The following FHIT variants were observed in gnomAD, a reference collection of about 807,000 sequenced individuals.
The protein encoded by FHIT is fragile histidine triad diadenosine triphosphatase.
A neutral mutation model predicts 17.9 loss-of-function variants in FHIT; 19 were observed. The ratio of observed to expected loss-of-function variants is 1.06; its 90% CI spans 0.74 to 1.56. The LOEUF (loss-of-function observed/expected upper bound fraction) is 1.56, where lower values mean the gene tolerates loss of function less well. Among genes scored for constraint, FHIT ranks in the 40% most tolerant of loss-of-function variants. The pLI is 0.00. For missense variants in FHIT, 248 were observed against 189.2 expected (o/e 1.31, Z -1.82); for synonymous variants, 81 against 69.7 (o/e 1.16, Z -0.81).
chr3:60,123,253 G>A (rs1360480285), intron 5 of FHIT, among the ~76,000 whole-genome samples: 6 of 152,136 alleles, frequency 3.9e-5, no homozygotes, highest in African/African-American at 9.7e-5. Context: ...CAAATGAGAA[G>A]CACATGAGAT....
At chr3:60,546,823 G>A (rs1333604049) in intron 4 of FHIT, among the ~76,000 whole-genome samples, 2 of 152,084 alleles carry the variant, frequency 1.3e-5, no homozygotes, top group Non-Finnish European at 2.9e-5. Context: ...TACAAAGCAT[G>A]TCTCGTTGTC....
At chr3:60,608,234 C>T (rs2038671373) in intron 4 of FHIT, among the ~76,000 whole-genome samples, 1 of 152,176 alleles carries the variant, frequency 6.6e-6, no homozygotes, top group African/African-American at 2.4e-5. Flanking sequence ...TAGTGGCCAC[C>T]AGCTCTGAAG....
intron 8 of FHIT, among the ~76,000 whole-genome samples, chr3:59,767,332 C>G (rs112606283): frequency 8.3e-4 from 127 of 152,244 alleles, no homozygotes; most frequent in African/African-American, 2.8e-3. Flanking sequence ...CACCCTATCT[C>G]TACTAAAAAT....
At chr3:59,852,653 A>G (rs1701988050) in intron 8 of FHIT, among the ~76,000 whole-genome samples, 1 of 152,138 alleles carries the variant, frequency 6.6e-6, no homozygotes, top group East Asian at 1.9e-4. Flanking sequence ...CATTGTCCTA[A>G]AAGATCCTCT....
rs144077607 is a variant in FHIT, at chr3:59,948,834, AG to A, written c.280-26421del. Among the ~76,000 whole-genome samples, 739 of 151,844 alleles carry A rather than the reference AG, an allele frequency of 4.9e-3. 2 individuals are homozygous for A. The highest frequency in any genetic ancestry group is 0.016 in the African/African-American group (682 of 41,378). ...GTATTGTTCATTTTTTCTATCATAA[AG>A]TTTTTTTTTTCCCCACAGTTCCATG... On this transcript the variant is annotated intron_variant, in intron 7 of 9. Transcript: ENST00000492590.
chr3:60,190,441 T>A (rs751428189), intron 5 of FHIT, among the ~76,000 whole-genome samples: 1 of 151,514 alleles, frequency 6.6e-6, no homozygotes, highest in African/African-American at 2.4e-5. Flanking sequence ...GGCCAAAAGA[T>A]AGTTATAGTA....
At position 60,715,641 on chromosome 3, in the gene FHIT, G is replaced by A. The variant is rs1281062254; in HGVS notation, c.-18+106278C>T. Among the ~76,000 whole-genome samples the A allele has an allele frequency of 2.6e-5, 3 of 116,322 alleles. No homozygotes were observed. The East Asian group carries it at 9.6e-4, about 37-fold the overall frequency. 76.3% of individuals were successfully genotyped at this position (116,322 alleles called of 152,430 possible). A position where few individuals can be genotyped will look rare whatever the true frequency, so the allele number is the denominator to read the frequency against. On this transcript the variant is annotated intron_variant, in intron 4 of 9. Coordinates refer to ENST00000492590, the MANE Select transcript of FHIT (RefSeq NM_002012.4). ...TGTTGTGGGGTGGGGGGAGGGGGGA[G>A]GGGTAGCCTTAGGAGATATACCTAA...
intron 3 of FHIT, among the ~76,000 whole-genome samples, chr3:61,038,252 G>A (rs1249196383): frequency 6.6e-6 from 1 of 152,178 alleles, no homozygotes; most frequent in African/African-American, 2.4e-5. Flanking sequence ...GACACCCTCT[G>A]CAAAGCATTC....
At chr3:60,697,161 T>C (rs1428907722) in intron 4 of FHIT, among the ~76,000 whole-genome samples, 2 of 152,160 alleles carry the variant, frequency 1.3e-5, no homozygotes, top group Non-Finnish European at 2.9e-5. Flanking sequence ...TTATATAAAA[T>C]TTAAAATATA....
intron 7 of FHIT, among the ~76,000 whole-genome samples, chr3:59,979,530 T>G (rs1013575716): frequency 6.6e-6 from 1 of 152,142 alleles, no homozygotes; most frequent in Non-Finnish European, 1.5e-5. Context: ...AGAGAATCCC[T>G]TGGGGACATT....
intron 2 of FHIT, among the ~76,000 whole-genome samples, chr3:61,097,078 C>CAAAAAA (rs4020380): frequency 1.0e-5 from 1 of 99,754 alleles, no homozygotes; most frequent in African/African-American, 4.0e-5. Flanking sequence ...GACTCAATCT[C>CAAAAAA]AAAAAAAAAA....
At chr3:60,971,288 T>C (rs1220535331) in intron 3 of FHIT, among the ~76,000 whole-genome samples, 1 of 152,194 alleles carries the variant, frequency 6.6e-6, no homozygotes, top group Non-Finnish European at 1.5e-5. Context: ...GAGAATCACT[T>C]GAACCCGGGA....
chr3:60,767,476 C>T (rs2108067039), intron 4 of FHIT, among the ~76,000 whole-genome samples: 1 of 152,278 alleles, frequency 6.6e-6, no homozygotes, highest in African/African-American at 2.4e-5. Context: ...AATTTGTCTG[C>T]TACGATCATG....
chr3:60,452,805 G>A (rs929195051), intron 5 of FHIT, among the ~76,000 whole-genome samples: 14 of 152,036 alleles, frequency 9.2e-5, no homozygotes, highest in Non-Finnish European at 1.5e-4. Flanking sequence ...TATTTTTCCA[G>A]GTTATATTAC....
intron 3 of FHIT, among the ~76,000 whole-genome samples, chr3:60,971,522 CTT>C (rs34982675): frequency 2.0e-5 from 3 of 148,014 alleles, no homozygotes; most frequent in African/African-American, 2.5e-5. Context: ...CTCCCTCAAT[CTT>C]TTTTTTTTTG....
chr3:59,960,501 G>C (rs974177658), intron 7 of FHIT, among the ~76,000 whole-genome samples: 14 of 152,278 alleles, frequency 9.2e-5, no homozygotes. Context: ...TAGTGGAGTG[G>C]CCTAAAAGGG....
intron 3 of FHIT, among the ~76,000 whole-genome samples, chr3:60,895,508 T>A (rs782195372): frequency 6.6e-6 from 1 of 152,192 alleles, no homozygotes; most frequent in African/African-American, 2.4e-5. Flanking sequence ...TTAACACCTA[T>A]TGACAATTCT....
intron 3 of FHIT, among the ~76,000 whole-genome samples, chr3:60,911,540 T>A (rs544594606): frequency 4.7e-4 from 71 of 152,312 alleles, no homozygotes; most frequent in African/African-American, 1.7e-3. Flanking sequence ...ACCCAGATCA[T>A]TCATGGTATG....
chr3:60,384,865 T>C (rs577201464), intron 5 of FHIT, among the ~76,000 whole-genome samples: 1 of 150,884 alleles, frequency 6.6e-6, no homozygotes, highest in South Asian at 2.1e-4. Flanking sequence ...ATCTCAGAAA[T>C]CATTTATATA....
Sources: allele counts gnomAD v4.1 joint callset (sites outside exome capture counted in the v4.1 genomes callset), GRCh38; gene constraint gnomAD v4.1.1; transcripts MANE v1.5; gene names NCBI Gene and HGNC (gene_info 2026-07-23, HGNC 2026-07-21).